The following WDR7 variants were observed in gnomAD, a reference collection of about 807,000 sequenced individuals.
WDR7 encodes WD repeat-containing protein 7.
WDR7 carries 46 observed loss-of-function variants against 169.4 expected under a neutral mutation model. The ratio of observed to expected loss-of-function variants is 0.27; its 90% confidence interval spans 0.21 to 0.35. WDR7 has a LOEUF of 0.35. Ranked by LOEUF, WDR7 falls within the 10% of genes least tolerant of loss-of-function variation. The pLI is 1.00. For synonymous variants in WDR7, 612 were observed against 666.8 expected (o/e 0.92, Z 1.27); for missense variants, 1,534 against 1,859.3 (o/e 0.83, Z 3.22).
chr18:56,800,134 C>G (rs1177925671), intron 19 of WDR7, among the ~76,000 whole-genome samples: 1 of 152,070 alleles, frequency 6.6e-6, no homozygotes, highest in African/African-American at 2.4e-5. Flanking sequence ...ATTTTTCATT[C>G]TTTTTATAAC....
rs1196191421 is a variant in WDR7, at chr18:57,027,679, A to T, written c.*472A>T. 1 of 156,460 alleles carries T rather than the reference A, an allele frequency of 6.4e-6. No homozygotes were observed. The highest frequency in any genetic ancestry group is 2.4e-5 in the African/African-American group (1 of 41,516). 9.7% of individuals were successfully genotyped at this position (156,460 alleles called of 1,614,324 possible). A position where few individuals can be genotyped will look rare whatever the true frequency, so the allele number is the denominator to read the frequency against. ...TCACGATTGAAATTATTGCCCTTTG[A>T]ATTACCTAAAATATTGTTTACCAAA... is the stretch of plus-strand genomic sequence containing the variant. On this transcript the variant is annotated 3_prime_UTR_variant, in exon 28 of 28. Coordinates refer to ENST00000254442, the MANE Select transcript of WDR7 (RefSeq NM_015285.3).
chr18:56,977,212 C>T (rs2145819680), intron 26 of WDR7, among the ~76,000 whole-genome samples: 1 of 152,174 alleles, frequency 6.6e-6, no homozygotes, highest in East Asian at 1.9e-4. Flanking sequence ...AAAGGGCAGT[C>T]CAGTTAATTT....
chr18:56,968,373 G>A (rs759280320), intron 26 of WDR7, among the ~76,000 whole-genome samples: 8 of 152,112 alleles, frequency 5.3e-5, no homozygotes, highest in South Asian at 4.1e-4. Flanking sequence ...AAACTGTGCT[G>A]TAATTATATC....
Position 56,756,823 on chromosome 18 carries a change from C to A in WDR7, c.2230C>A (p.Gln744Lys). Residue 744 changes from glutamine to lysine, a missense_variant, in exon 15 of 28, where the codon CAA becomes AAA. Physicochemically the swap from Gln to Lys is moderately conservative, Grantham distance 53. Coordinates refer to ENST00000254442, the MANE Select transcript of WDR7 (RefSeq NM_015285.3). ...LTGKRAAVLF[Q>K]QVKETIKENI... ...TGGAAAACGAGCAGCAGTTCTCTTC[C>A]AACAAGTGAAAGAAACGATCAAAGA... 6.2e-7 allele frequency: 1 copy of A among 1,613,968 alleles called. No individual in the cohort carries two copies. Among genetic ancestry groups the A allele is most frequent in the Non-Finnish European group, 8.5e-7 (1 of 1,180,010 alleles).
intron 26 of WDR7, among the ~76,000 whole-genome samples, chr18:57,014,518 C>T (rs992160088): frequency 2.7e-5 from 4 of 148,856 alleles, no homozygotes; most frequent in African/African-American, 7.4e-5. Context: ...ATTCGCCAGG[C>T]GGTTGGTGGG....
rs557590571 is a variant in WDR7, at chr18:56,916,772, T to A, written c.3527-7150T>A. Among the ~76,000 whole-genome samples, 11 of 152,330 alleles carry A rather than the reference T, an allele frequency of 7.2e-5. No individual in the cohort carries two copies. In the East Asian group the frequency reaches 2.1e-3, roughly 29 times the overall value. The stretch of plus-strand genomic sequence containing the variant: ...TTTGTGTGTATGTGTGTATGTGTTT[T>A]AAATGAATAAAATAATTGTAGTGAT... On this transcript the variant is annotated intron_variant, in intron 21 of 27. Transcript: ENST00000254442.
At chr18:56,847,084 T>TA (rs2045579271) in intron 20 of WDR7, among the ~76,000 whole-genome samples, 1 of 152,150 alleles carries the variant, frequency 6.6e-6, no homozygotes, top group Non-Finnish European at 1.5e-5. Flanking sequence ...CCTAAGAGAC[T>TA]TTTTAAGTGG....
intron 2 of WDR7, among the ~76,000 whole-genome samples, chr18:56,676,704 T>G (rs1465072529): frequency 6.6e-6 from 1 of 152,082 alleles, no homozygotes; most frequent in East Asian, 1.9e-4. Context: ...TAACTTTTTT[T>G]TTTGTTTTTT....
intron 26 of WDR7, among the ~76,000 whole-genome samples, chr18:57,015,531 C>T (rs1262400987): frequency 6.6e-6 from 1 of 152,120 alleles, no homozygotes; most frequent in Non-Finnish European, 1.5e-5. Flanking sequence ...CCTTGCCTAA[C>T]AGAGCTGTCA....
chr18:56,841,536 ACT>A (rs1252055899), intron 20 of WDR7, among the ~76,000 whole-genome samples: 2 of 148,198 alleles, frequency 1.3e-5, no homozygotes, highest in Middle Eastern at 3.5e-3. Context: ...ACAGAGTGAG[ACT>A]CTGTCTAAAA....
At chr18:56,856,469 G>C (rs1568233285) in intron 20 of WDR7, among the ~76,000 whole-genome samples, 1 of 152,102 alleles carries the variant, frequency 6.6e-6, no homozygotes, top group Admixed American at 6.6e-5. Flanking sequence ...GGGAAGTGGA[G>C]GTTGCAGTGA....
chr18:56,822,217 A>G (rs1051122032), intron 20 of WDR7, among the ~76,000 whole-genome samples: 5 of 152,222 alleles, frequency 3.3e-5, no homozygotes. Flanking sequence ...GTTGTAACAT[A>G]ATAATATAAA....
intron 13 of WDR7, among the ~76,000 whole-genome samples, chr18:56,720,393 G>A (rs762903182): frequency 6.6e-5 from 10 of 152,050 alleles, no homozygotes; most frequent in Non-Finnish European, 1.0e-4. Flanking sequence ...AGGCTACAGT[G>A]AGCTGTGATT....
intron 22 of WDR7, among the ~76,000 whole-genome samples, chr18:56,924,751 A>G (rs2046779309): frequency 6.6e-6 from 1 of 152,204 alleles, no homozygotes; most frequent in South Asian, 2.1e-4. Flanking sequence ...TGATTCCTGC[A>G]AAGAGTTCTT....
At chr18:57,020,882 A>G (rs745503893) in intron 27 of WDR7, 33 bp downstream of exon 27, 5 of 1,592,098 alleles carry the variant, frequency 3.1e-6, no homozygotes, top group East Asian at 2.2e-5. Context: ...CTTAAAGCAT[A>G]TACTGCGTGA....
chr18:56,878,240 A>G (rs1296210071), intron 20 of WDR7, among the ~76,000 whole-genome samples: 1 of 152,174 alleles, frequency 6.6e-6, no homozygotes. Flanking sequence ...TGAATATGAA[A>G]CTATGCTGAG....
intron 20 of WDR7, among the ~76,000 whole-genome samples, chr18:56,849,965 C>G (rs1343968876): frequency 6.6e-6 from 1 of 152,158 alleles, no homozygotes; most frequent in East Asian, 1.9e-4. Context: ...GTGCCTCCAT[C>G]CCTTCACATT....
At position 56,914,586 on chromosome 18, in the gene WDR7, G is replaced by A. The variant is rs370146230; in HGVS notation, c.3527-9336G>A. On this transcript the variant is annotated intron_variant, in intron 21 of 27. Transcript: ENST00000254442. ...GCTCATGCCATTCAATAGTCCTCCC[G>A]CTTTTGGGAAGGGGATATAGAAGTG... is the stretch of plus-strand genomic sequence containing the variant. Among the ~76,000 whole-genome samples, 144 of 152,128 alleles carry A rather than the reference G, an allele frequency of 9.5e-4. 1 individual carries two copies. Among genetic ancestry groups the A allele is most frequent in the African/African-American group, 3.2e-3 (132 of 41,504 alleles).
At chr18:56,731,202 C>T (rs2026578667) in intron 13 of WDR7, among the ~76,000 whole-genome samples, 181 bp from the exon 14 acceptor site, 1 of 151,878 alleles carries the variant, frequency 6.6e-6, no homozygotes, top group African/African-American at 2.4e-5. Flanking sequence ...GAGAGGAATT[C>T]ATTGAGGTGG....
Sources: allele counts gnomAD v4.1 joint callset (sites outside exome capture counted in the v4.1 genomes callset), GRCh38; gene constraint gnomAD v4.1.1; transcripts MANE v1.5; gene names NCBI Gene and HGNC (gene_info 2026-07-23, HGNC 2026-07-21).